Variants in MICALL1 observed in about 807,000 individuals in gnomAD.
MICALL1 encodes MICAL-like protein 1.
Under a neutral mutation model 83.7 loss-of-function variants are expected in MICALL1, and 61 were observed. The ratio of observed to expected loss-of-function variants is 0.73; its 90% CI spans 0.59 to 0.90. MICALL1 has a LOEUF of 0.90. MICALL1 is among the 40% of genes least tolerant of loss of function. MICALL1 has a pLI of 0.00. For missense variants in MICALL1, 1,066 were observed against 1,152.0 expected (o/e 0.93, Z 1.08); for synonymous variants, 481 against 473.6 (o/e 1.02, Z -0.20).
intron 3 of MICALL1, among the ~76,000 whole-genome samples, chr22:37,914,227 C>CT (rs1256525542): frequency 3.2e-5 from 4 of 124,600 alleles, no homozygotes; most frequent in Non-Finnish European, 6.9e-5. Context: ...CTTTTCTTTT[C>CT]TTTCTTTTTT....
chr22:37,935,729 C>CT lies in MICALL1; in HGVS notation c.2309-1333dup, dbSNP rs558695275. Among the ~76,000 whole-genome samples the CT allele has an allele frequency of 2.6e-3, 330 of 126,332 alleles. 1 individual carries two copies. The highest frequency in any genetic ancestry group is 5.7e-3 in the African/African-American group (195 of 34,258). The allele number at this position is 126,332 out of a possible 152,430, so 82.9% of individuals were successfully genotyped here. ...CACCACGCTTGGCTAAGGATATTTA[C>CT]TTTTTTTTTTTTTTTTTTGAGACAG... On this transcript the variant is annotated intron_variant, in intron 13 of 15. Transcript: ENST00000215957.
intron 9 of MICALL1, among the ~76,000 whole-genome samples, chr22:37,929,707 C>A (rs1456491326): frequency 6.6e-6 from 1 of 152,222 alleles, no homozygotes; most frequent in African/African-American, 2.4e-5. Context: ...GGGCTCAGTA[C>A]TTTCCTCTGG....
At position 37,912,345 on chromosome 22, in the gene MICALL1, C is replaced by A; in HGVS notation, c.196-6C>A. ...GCTCCCGCCCTTGTACCTGTCACCA[C>A]CCCAGGCCTTTGAAGTGGCTGAGAA... On this transcript the variant is annotated splice_region_variant and splice_polypyrimidine_tract_variant and intron_variant, in intron 2 of 15. Transcript: ENST00000215957. The A allele has an allele frequency of 6.2e-7, 1 of 1,607,410 alleles. No individual in the cohort carries two copies. Among genetic ancestry groups the A allele is most frequent in the Non-Finnish European group, 8.5e-7 (1 of 1,175,640 alleles).
rs1452248940 is a variant in MICALL1, at chr22:37,924,043, G to A, written c.1025-617G>A. ...TGAGACTCCTTGTATAAGGCTGCTG[G>A]GCAGCCCTTATCATTCCATTAGGGA... On this transcript the variant is annotated intron_variant, in intron 6 of 15. Transcript: ENST00000215957. This position sits in a 1 kb window ranked among gnomAD's most constrained non-coding sequence, Gnocchi z 5.2. 1.3e-5 allele frequency among the ~76,000 whole-genome samples: 2 copies of A among 152,170 alleles called. No individual in the cohort carries two copies. Among genetic ancestry groups the A allele is most frequent in the Non-Finnish European group, 2.9e-5 (2 of 68,028 alleles).
At chr22:37,936,640 C>G (rs1041630104) in intron 13 of MICALL1, among the ~76,000 whole-genome samples, 3 of 152,196 alleles carry the variant, frequency 2.0e-5, no homozygotes, top group Admixed American at 2.0e-4. Flanking sequence ...CGCCTGTAAT[C>G]CCAGCACTTT....
intron 8 of MICALL1, chr22:37,927,032 G>C (rs1046319582): frequency 3.6e-6 from 1 of 274,930 alleles, no homozygotes; most frequent in African/African-American, 2.2e-5. Context: ...TCCCAGAGCT[G>C]GTGGCTGCGA....
intron 4 of MICALL1, among the ~76,000 whole-genome samples, chr22:37,918,594 C>T (rs1038499088): frequency 2.0e-5 from 3 of 152,220 alleles, no homozygotes; most frequent in African/African-American, 4.8e-5. Flanking sequence ...GATTTAAATC[C>T]GTGGCAGTTC....
At chr22:37,917,852 G>A in intron 4 of MICALL1, 57 bp downstream of exon 4, 1 of 1,444,774 alleles carries the variant, frequency 6.9e-7, no homozygotes, top group Non-Finnish European at 9.7e-7. Context: ...GAGTTATGTG[G>A]ACGACTATCA....
Position 37,926,108 on chromosome 22 carries a change from G to A in MICALL1, c.1465+65G>A. ...CGGGGGTGGGGCCCGGGCCTGGGGA[G>A]GGGGTGTGGTGGGGCAGAGCCTACC... On this transcript the variant is annotated intron_variant, in intron 8 of 15. Transcript: ENST00000215957. 6 of 1,500,816 alleles carry A rather than the reference G, an allele frequency of 4.0e-6. No individual in the cohort carries two copies. In the South Asian group the frequency reaches 7.9e-5, roughly 20 times the overall value. 93.0% of individuals were successfully genotyped at this position (1,500,816 alleles called of 1,614,324 possible).
rs751781303 is a variant in MICALL1, at chr22:37,937,804, G to T, written c.2470+12G>T. Reference sequence around the variant, plus strand: ...GATCAAGAAGAAAGGTGAGGCCCTTGCTGGGGATGAGGCTGGTGAGCACTT... The same window carrying T: ...GATCAAGAAGAAAGGTGAGGCCCTTTCTGGGGATGAGGCTGGTGAGCACTT... On this transcript the variant is annotated intron_variant, in intron 15 of 15. Transcript: ENST00000215957. The T allele has an allele frequency of 6.2e-7, 1 of 1,613,314 alleles. No homozygotes were observed. Among genetic ancestry groups the T allele is most frequent in the Non-Finnish European group, 8.5e-7 (1 of 1,179,430 alleles).
chr22:37,926,481 GT>G (rs1929447440), intron 8 of MICALL1: 1 of 173,732 alleles, frequency 5.8e-6, no homozygotes, highest in Non-Finnish European at 1.2e-5. Flanking sequence ...ACCTGGCCAT[GT>G]GTGACCAGGT....
Position 37,906,458 on chromosome 22 carries a change from C to T in MICALL1, c.36C>T (p.Cys12=). Residue 12 remains cysteine, a synonymous_variant, in exon 1 of 16, where the codon TGC becomes TGT. Transcript: ENST00000215957. This position sits in a 1 kb window ranked among gnomAD's most constrained non-coding sequence, Gnocchi z 4.4. ...AGPRGALLAW[C]RRQCEGYRGV... is the part of the protein sequence containing the mutation. Reference sequence around the variant, plus strand: ...CGCGGGGCGCGCTGCTGGCCTGGTGCCGCCGCCAGTGCGAGGGCTACCGCG... The same window carrying T: ...CGCGGGGCGCGCTGCTGGCCTGGTGTCGCCGCCAGTGCGAGGGCTACCGCG... 1 of 1,209,660 alleles carries T rather than the reference C, an allele frequency of 8.3e-7. No individual in the cohort carries two copies. Among genetic ancestry groups the T allele is most frequent in the Non-Finnish European group, 1.0e-6 (1 of 968,168 alleles). 74.9% of individuals were successfully genotyped at this position (1,209,660 alleles called of 1,614,324 possible).
chr22:37,916,809 A>G (rs1569137676), intron 3 of MICALL1, among the ~76,000 whole-genome samples: 2 of 152,156 alleles, frequency 1.3e-5, no homozygotes, highest in Admixed American at 6.5e-5. Flanking sequence ...TGTGGCTTCT[A>G]AGGGCCTCTC....
chr22:37,906,372 G>C lies in MICALL1; in HGVS notation c.-51G>C, dbSNP rs1288910793. 6 of 1,041,372 alleles carry C rather than the reference G, an allele frequency of 5.8e-6. No homozygotes were observed. The highest frequency in any genetic ancestry group is 3.4e-5 in the African/African-American group (2 of 58,088). The allele number at this position is 1,041,372 out of a possible 1,614,324, so 64.5% of individuals were successfully genotyped here. On this transcript the variant is annotated 5_prime_UTR_variant, in exon 1 of 16. Coordinates refer to ENST00000215957, the MANE Select transcript of MICALL1 (RefSeq NM_033386.4). The surrounding 1 kb of genome is among the most constrained non-coding windows in gnomAD (Gnocchi z 4.4). ...GGCCCGCGCGGCGGCCGCCGTCCCG[G>C]CCAAGCCGGGGCCCCGAAGCCAGAG...
rs752270992 is a variant in MICALL1, at chr22:37,927,499, C to T, written c.1554C>T (p.Ser518=). The T allele has an allele frequency of 7.4e-6, 12 of 1,612,610 alleles. No individual in the cohort carries two copies. The highest frequency in any genetic ancestry group is 1.6e-4 in the Middle Eastern group (1 of 6,072). The part of the protein sequence containing the change: ...ALSVESLSSE[S]ASQTAGAELL... ...GCGTGGAGAGCCTGTCGTCTGAGAGCGCCAGCCAGACTGCAGGTGCAGAGC... is the reference window on the plus strand; with the variant it reads ...GCGTGGAGAGCCTGTCGTCTGAGAGTGCCAGCCAGACTGCAGGTGCAGAGC... Residue 518 remains serine (S), a synonymous_variant, in exon 9 of 16, where the codon AGC becomes AGT. Transcript: ENST00000215957.
intron 13 of MICALL1, among the ~76,000 whole-genome samples, chr22:37,935,031 G>C (rs533317954): frequency 6.9e-6 from 1 of 145,178 alleles, no homozygotes; most frequent in East Asian, 2.1e-4. Context: ...TCCCCAGGTT[G>C]ACACCATTCT....
At chr22:37,936,953 C>T (rs534585325) in intron 13 of MICALL1, 127 bp from the exon 14 acceptor site, 6 of 695,060 alleles carry the variant, frequency 8.6e-6, no homozygotes, top group South Asian at 4.1e-5. Context: ...TTCCTTTCTG[C>T]GCTTAGTTTC....
Position 37,906,627 on chromosome 22 carries a change from G to C in MICALL1, c.146+59G>C, listed in dbSNP as rs1234310892. ...GGGGCGGGCTGGGGCCGCGACCGCC[G>C]CCCCCCCTCAGTAACACGAAGCCCG... is the stretch of plus-strand genomic sequence containing the variant. On this transcript the variant is annotated intron_variant, in intron 1 of 15. Coordinates refer to ENST00000215957, the MANE Select transcript of MICALL1 (RefSeq NM_033386.4). The surrounding 1 kb of genome is among the most constrained non-coding windows in gnomAD (Gnocchi z 4.4). The C allele has an allele frequency of 1.8e-6, 2 of 1,136,104 alleles. No individual in the cohort carries two copies. The highest frequency in any genetic ancestry group is 8.8e-5 in the East Asian group (2 of 22,748). The allele number at this position is 1,136,104 out of a possible 1,614,324, so 70.4% of individuals were successfully genotyped here.
At position 37,927,725 on chromosome 22, in the gene MICALL1, G is replaced by C. The variant is rs758713733; in HGVS notation, c.1780G>C (p.Ala594Pro). 6.2e-7 allele frequency: 1 copy of C among 1,613,872 alleles called. No individual in the cohort carries two copies. The highest frequency in any genetic ancestry group is 1.3e-5 in the African/African-American group (1 of 74,922). ...RTRGSSGPQP[A>P]KPCSGATPTP... ...CAGGGGCAGCTCAGGTCCCCAGCCA[G>C]CCAAGCCCTGCAGTGGCGCCACCCC... Residue 594 changes from alanine (A) to proline (P), a missense_variant, in exon 9 of 16, where the codon GCC becomes CCC. Coordinates refer to ENST00000215957, the MANE Select transcript of MICALL1 (RefSeq NM_033386.4).
Sources: allele counts gnomAD v4.1 joint callset (sites outside exome capture counted in the v4.1 genomes callset), GRCh38; gene constraint gnomAD v4.1.1; non-coding constraint Gnocchi (gnomAD v3.1); transcripts MANE v1.5; gene names NCBI Gene and HGNC (gene_info 2026-07-23, HGNC 2026-07-21).